The following PTPRA variants were observed in gnomAD, a reference collection of about 807,000 sequenced individuals.
The protein encoded by PTPRA is receptor-type tyrosine-protein phosphatase alpha.
Under a neutral mutation model 104.8 loss-of-function variants are expected in PTPRA, and 25 were observed. The ratio of observed to expected loss-of-function variants is 0.24; its 90% CI spans 0.17 to 0.33. The LOEUF (loss-of-function observed/expected upper bound fraction) is 0.33, where lower values mean the gene tolerates loss of function less well. PTPRA is among the 10% of genes least tolerant of loss of function. The pLI, the probability that PTPRA is intolerant of heterozygous loss-of-function variation, is 1.00. For missense variants in PTPRA, 765 were observed against 1,015.3 expected, an observed-to-expected ratio of 0.75 and a Z score of 3.35; for synonymous variants, 323 against 368.9, an observed-to-expected ratio of 0.88 and a Z score of 1.43.
chr20:2,977,346 C>T, intron 6 of PTPRA, among the ~76,000 whole-genome samples: 1 of 149,574 alleles, frequency 6.7e-6, no homozygotes, highest in Non-Finnish European at 1.5e-5. Context: ...AGTCCTTGAG[C>T]TACTACTTAA....
intron 13 of PTPRA, 93 bp downstream of exon 13, chr20:3,018,006 T>C (rs2064553503): frequency 1.1e-5 from 11 of 1,038,458 alleles, no homozygotes; most frequent in Non-Finnish European, 1.6e-5. Flanking sequence ...GTGGGTGCTG[T>C]ACCAGTAGTT....
intron 1 of PTPRA, among the ~76,000 whole-genome samples, chr20:2,886,874 A>G (rs2090420189): frequency 7.6e-6 from 1 of 132,422 alleles, no homozygotes; most frequent in Admixed American, 7.7e-5. Context: ...AAAAAGGAAA[A>G]GAAAAAAAAG....
In PTPRA at chr20:3,035,515, G is replaced by C; in HGVS notation, c.1921-70G>C. The C allele has an allele frequency of 6.6e-7, 1 of 1,507,810 alleles. No homozygotes were observed. The highest frequency in any genetic ancestry group is 9.1e-7 in the Non-Finnish European group (1 of 1,094,216). The allele number at this position is 1,507,810 out of a possible 1,614,324, so 93.4% of individuals were successfully genotyped here. On this transcript the variant is annotated intron_variant, in intron 20 of 23. Coordinates refer to ENST00000399903, the MANE Select transcript of PTPRA (RefSeq NM_001385305.1). This position sits in a 1 kb window ranked among gnomAD's most constrained non-coding sequence, Gnocchi z 5.8. ...TGGCTGTACTGAGAGGGGTCAGGCT[G>C]CTCGTGGGCAGTGCTGCTTCTACAC...
intron 1 of PTPRA, among the ~76,000 whole-genome samples, chr20:2,879,165 G>C (rs1187591520): frequency 6.6e-6 from 1 of 152,202 alleles, no homozygotes; most frequent in Non-Finnish European, 1.5e-5. Context: ...GGTGTCGGGA[G>C]TGTCAGAGAA....
chr20:3,029,093 C>T lies in PTPRA; in HGVS notation c.1920+1252C>T, dbSNP rs533698315. On this transcript the variant is annotated intron_variant, in intron 20 of 23. Transcript: ENST00000399903. The stretch of plus-strand genomic sequence containing the variant: ...ACAAGGCTTTACACATATTTTCTCA[C>T]CCTGATGTTTCATTACATCAGGATT... Among the ~76,000 whole-genome samples the T allele has an allele frequency of 8.7e-5, 13 of 149,772 alleles. 1 individual carries two copies. The highest frequency in any genetic ancestry group is 3.2e-4 in the African/African-American group (13 of 40,046).
chr20:3,017,752 C>T (rs995105675), intron 12 of PTPRA, 64 bp from the exon 13 acceptor site: 9 of 1,439,202 alleles, frequency 6.3e-6, no homozygotes, highest in African/African-American at 1.4e-5. Flanking sequence ...ATGGATGTTC[C>T]CAGCCTCCCA....
At chr20:3,005,022 C>T (rs749163424) in intron 9 of PTPRA, 34 bp from the exon 10 acceptor site, 2 of 1,527,886 alleles carry the variant, frequency 1.3e-6, no homozygotes, top group South Asian at 1.1e-5. Context: ...TTTATCCCTG[C>T]TAATAATTCC....
chr20:2,963,543 A>G (rs1437595260), intron 3 of PTPRA, among the ~76,000 whole-genome samples: 1 of 151,932 alleles, frequency 6.6e-6, no homozygotes, highest in Non-Finnish European at 1.5e-5. Context: ...GCCGTGAGCC[A>G]AGATCACACC....
chr20:2,883,865 A>G (rs1411879923), intron 1 of PTPRA, among the ~76,000 whole-genome samples: 1 of 152,108 alleles, frequency 6.6e-6, no homozygotes, highest in Non-Finnish European at 1.5e-5. Flanking sequence ...CATCACCCCA[A>G]AAGAGACCCT....
At position 3,030,544 on chromosome 20, in the gene PTPRA, T is replaced by C. The variant is rs1348972713; in HGVS notation, c.1920+2703T>C. The stretch of plus-strand genomic sequence containing the variant: ...TGATGCAATGAAAGGTGCCTACACT[T>C]ATACAGTGACACTACCATCCTCACC... On this transcript the variant is annotated intron_variant, in intron 20 of 23. Transcript: ENST00000399903. Among the ~76,000 whole-genome samples the C allele has an allele frequency of 2.0e-5, 3 of 152,262 alleles. 1 individual carries two copies. Among genetic ancestry groups the C allele is most frequent in the African/African-American group, 7.2e-5 (3 of 41,548 alleles).
chr20:2,901,008 G>C (rs961277939), intron 1 of PTPRA, among the ~76,000 whole-genome samples: 6 of 151,950 alleles, frequency 3.9e-5, no homozygotes, highest in Admixed American at 3.9e-4. Context: ...GTCTTGCTCT[G>C]TTGCCCAGGC....
At chr20:3,017,277 C>G (rs1207131401) in intron 12 of PTPRA, among the ~76,000 whole-genome samples, 1 of 152,180 alleles carries the variant, frequency 6.6e-6, no homozygotes, top group East Asian at 1.9e-4. Flanking sequence ...CCTGGGAATT[C>G]CGTTAGCCTC....
At chr20:2,986,310 G>C (rs1345297161) in intron 6 of PTPRA, among the ~76,000 whole-genome samples, 1 of 152,128 alleles carries the variant, frequency 6.6e-6, no homozygotes, top group Non-Finnish European at 1.5e-5. Context: ...TCTTCCTCTA[G>C]ATGGAACCCA....
At chr20:3,018,073 A>C (rs990741291) in intron 13 of PTPRA, among the ~76,000 whole-genome samples, 160 bp downstream of exon 13, 4 of 152,220 alleles carry the variant, frequency 2.6e-5, no homozygotes, top group Admixed American at 1.3e-4. Flanking sequence ...TGGAAGCCCC[A>C]GATATGAACC....
intron 9 of PTPRA, among the ~76,000 whole-genome samples, chr20:2,990,749 G>T (rs545658076): frequency 1.3e-5 from 2 of 152,082 alleles, no homozygotes; most frequent in African/African-American, 4.8e-5. Context: ...ATTTTTTTTA[G>T]ATATTCATGT....
At chr20:2,867,773 C>T in the PTPRA span, among the ~76,000 whole-genome samples, 3 of 152,234 alleles carry the variant, frequency 2.0e-5, no homozygotes, top group Non-Finnish European at 2.9e-5. Flanking sequence ...CCCTATTTAA[C>T]ACCCCTAGGG....
intron 1 of PTPRA, among the ~76,000 whole-genome samples, chr20:2,917,265 T>A (rs557204026): frequency 4.6e-5 from 7 of 152,132 alleles, no homozygotes; most frequent in Admixed American, 1.3e-4. Flanking sequence ...TTTGAAAAAA[T>A]AAATAAATAA....
intron 1 of PTPRA, among the ~76,000 whole-genome samples, chr20:2,914,479 G>T (rs1371505888): frequency 6.7e-6 from 1 of 148,798 alleles, no homozygotes; most frequent in Non-Finnish European, 1.5e-5. Flanking sequence ...GTGTGTGTGT[G>T]TACTGTGAGT....
intron 6 of PTPRA, 49 bp downstream of exon 6, chr20:2,975,290 A>T: frequency 6.8e-7 from 1 of 1,471,926 alleles, no homozygotes; most frequent in Non-Finnish European, 9.3e-7. Flanking sequence ...AGTGTACAGT[A>T]TTCATTTATT....
Sources: gnomAD v4.1 joint callset for allele counts (sites outside exome capture counted in the v4.1 genomes callset) on GRCh38, gnomAD v4.1.1 for gene constraint, Gnocchi (gnomAD v3.1) non-coding constraint, MANE v1.5 for transcripts, NCBI Gene and HGNC (gene_info 2026-07-23, HGNC 2026-07-21) for gene names.